PKIB: variants seen among roughly 807,000 people sequenced by gnomAD.
The protein encoded by PKIB is cAMP-dependent protein kinase inhibitor beta.
A neutral mutation model predicts 4.5 loss-of-function variants in PKIB; 2 were observed. That is an observed-to-expected ratio of 0.44 (90% confidence interval 0.18 to 1.39). The LOEUF (loss-of-function observed/expected upper bound fraction) is 1.39, where lower values mean the gene tolerates loss of function less well. Among genes scored for constraint, PKIB ranks in the 40% most tolerant of loss-of-function variants. PKIB has a pLI of 0.27. For synonymous variants in PKIB, 38 were observed against 36.0 expected (o/e 1.06, Z -0.20); for missense variants, 94 against 92.6 (o/e 1.02, Z -0.06).
intron 3 of PKIB, among the ~76,000 whole-genome samples, chr6:122,717,188 A>G (rs183797374): frequency 1.1e-5 from 1 of 91,324 alleles, no homozygotes; most frequent in East Asian, 3.3e-4. Context: ...ACCTGAAGGT[A>G]AAAAAACCTA....
intron 2 of PKIB, among the ~76,000 whole-genome samples, chr6:122,563,450 G>T (rs559171729): frequency 6.6e-6 from 1 of 152,200 alleles, no homozygotes; most frequent in South Asian, 2.1e-4. Flanking sequence ...CTACTGTCAG[G>T]TGGTGGCGCT....
At chr6:122,697,236 T>C (rs965902501) in intron 3 of PKIB, among the ~76,000 whole-genome samples, 1 of 152,022 alleles carries the variant, frequency 6.6e-6, no homozygotes, top group Non-Finnish European at 1.5e-5. Context: ...CTGTGCCTGG[T>C]CCCCTTCATA....
chr6:122,545,951 A>C (rs1443485096), intron 2 of PKIB, among the ~76,000 whole-genome samples: 3 of 151,532 alleles, frequency 2.0e-5, no homozygotes, highest in African/African-American at 7.3e-5. Flanking sequence ...GGTAGAACCT[A>C]GAGAGATCTC....
At chr6:122,559,413 A>G (rs1292957754) in intron 2 of PKIB, among the ~76,000 whole-genome samples, 1 of 151,974 alleles carries the variant, frequency 6.6e-6, no homozygotes, top group African/African-American at 2.4e-5. Context: ...GCCTATTTCT[A>G]TCCCAGTATC....
intron 2 of PKIB, among the ~76,000 whole-genome samples, chr6:122,557,031 T>C (rs1772864213): frequency 6.6e-6 from 1 of 151,962 alleles, no homozygotes; most frequent in Non-Finnish European, 1.5e-5. Context: ...CTGGCCAACA[T>C]GGTAAAATCC....
At chr6:122,480,951 G>T (rs999173677) in intron 2 of PKIB, 1 of 152,008 alleles carries the variant, frequency 6.6e-6, no homozygotes, top group Non-Finnish European at 1.5e-5. Context: ...ACTTAATGTA[G>T]AAATATCATA....
intron 3 of PKIB, among the ~76,000 whole-genome samples, chr6:122,675,868 A>C (rs1424569333): frequency 6.6e-6 from 1 of 152,104 alleles, no homozygotes; most frequent in African/African-American, 2.4e-5. Context: ...TAAAGCAAAT[A>C]ATCAGCATAT....
intron 3 of PKIB, among the ~76,000 whole-genome samples, chr6:122,686,168 A>G (rs1447280316): frequency 1.3e-5 from 2 of 152,152 alleles, no homozygotes; most frequent in African/African-American, 4.8e-5. Context: ...AAGTATGTAC[A>G]TTGCAGTAGG....
chr6:122,519,449 C>G (rs893062722), intron 2 of PKIB, among the ~76,000 whole-genome samples: 5 of 152,124 alleles, frequency 3.3e-5, no homozygotes, highest in Admixed American at 2.6e-4. Context: ...AACCACCCCC[C>G]ACATCCCCCA....
At chr6:122,523,124 C>T (rs765519536) in intron 2 of PKIB, among the ~76,000 whole-genome samples, 3 of 152,100 alleles carry the variant, frequency 2.0e-5, no homozygotes, top group Non-Finnish European at 4.4e-5. Flanking sequence ...GTGGGCTTCT[C>T]ATAAATGGCC....
At chr6:122,540,726 TG>T (rs1777569920) in intron 2 of PKIB, among the ~76,000 whole-genome samples, 1 of 152,098 alleles carries the variant, frequency 6.6e-6, no homozygotes, top group South Asian at 2.1e-4. Flanking sequence ...GTTCAATTCC[TG>T]GGTAGTCCTT....
chr6:122,678,347 C>T (rs80077761), intron 3 of PKIB, among the ~76,000 whole-genome samples: 5 of 152,272 alleles, frequency 3.3e-5, no homozygotes, highest in African/African-American at 1.2e-4. Flanking sequence ...CTCATACTCA[C>T]CTGGACAGGA....
intron 3 of PKIB, among the ~76,000 whole-genome samples, chr6:122,599,314 T>C (rs1774281874): frequency 6.6e-6 from 1 of 152,284 alleles, no homozygotes; most frequent in African/African-American, 2.4e-5. Context: ...AAATTCAGTA[T>C]CCCCAGCTTT....
chr6:122,623,237 T>C (rs1775309934), intron 1 of PKIB, among the ~76,000 whole-genome samples: 1 of 152,226 alleles, frequency 6.6e-6, no homozygotes, highest in Admixed American at 6.5e-5. Flanking sequence ...CGTCTTATTT[T>C]ATTTTTAATA....
intron 2 of PKIB, among the ~76,000 whole-genome samples, chr6:122,489,089 A>G (rs891546896): frequency 6.6e-6 from 1 of 152,132 alleles, no homozygotes; most frequent in Non-Finnish European, 1.5e-5. Flanking sequence ...GCCCACCTCA[A>G]TAGCCCCAAT....
intron 3 of PKIB, among the ~76,000 whole-genome samples, chr6:122,683,911 C>T (rs1777998074): frequency 6.6e-6 from 1 of 152,190 alleles, no homozygotes; most frequent in Non-Finnish European, 1.5e-5. Context: ...GAGATATTAG[C>T]ACTCCCATGT....
At chr6:122,712,183 A>G (rs974884517) in intron 3 of PKIB, among the ~76,000 whole-genome samples, 1 of 152,174 alleles carries the variant, frequency 6.6e-6, no homozygotes, top group Non-Finnish European at 1.5e-5. Context: ...ATAGGATTTG[A>G]GGTCAAGAAA....
intron 1 of PKIB, among the ~76,000 whole-genome samples, chr6:122,613,878 G>T (rs1035559597): frequency 6.9e-6 from 1 of 145,340 alleles, no homozygotes; most frequent in Non-Finnish European, 1.5e-5. Flanking sequence ...TAGGAGTATC[G>T]CTTGAACCCA....
At chr6:122,694,426 C>A (rs1357387661) in intron 3 of PKIB, among the ~76,000 whole-genome samples, 1 of 152,160 alleles carries the variant, frequency 6.6e-6, no homozygotes, top group East Asian at 1.9e-4. Context: ...CTTGCTTTAT[C>A]TCTCTTGTAT....
Sources: gnomAD v4.1 joint callset for allele counts (sites outside exome capture counted in the v4.1 genomes callset) on GRCh38, gnomAD v4.1.1 for gene constraint, MANE v1.5 for transcripts, NCBI Gene and HGNC (gene_info 2026-07-23, HGNC 2026-07-21) for gene names.